DNAH17: variants seen among roughly 807,000 people sequenced by gnomAD.
DNAH17 encodes the protein dynein axonemal heavy chain 17.
A neutral mutation model predicts 485.6 loss-of-function variants in DNAH17; 376 were observed. The ratio of observed to expected loss-of-function variants is 0.77; its 90% CI spans 0.71 to 0.84. DNAH17 has a LOEUF of 0.84. Ranked by LOEUF, DNAH17 falls within the 40% of genes least tolerant of loss-of-function variation. The pLI is 0.00. For synonymous variants in DNAH17, 3,031 were observed against 2,405.9 expected (o/e 1.26, Z -7.60); for missense variants, 6,370 against 5,839.3 (o/e 1.09, Z -2.96).
chr17:78,555,543 C>CAA (rs765954549), intron 14 of DNAH17, among the ~76,000 whole-genome samples: 1,763 of 77,244 alleles, frequency 0.023, 140 homozygotes, highest in African/African-American at 0.072. Flanking sequence ...GATTCCGTCA[C>CAA]AAAAAAAAAA....
chr17:78,532,864 T>TG, intron 19 of DNAH17, 128 bp from the exon 20 acceptor site: 2 of 1,154,142 alleles, frequency 1.7e-6, no homozygotes, highest in East Asian at 5.2e-5. Flanking sequence ...CATGATGACC[T>TG]GCTCTTTTTC....
intron 17 of DNAH17, 94 bp from the exon 18 acceptor site, chr17:78,539,974 G>T: frequency 3.1e-6 from 4 of 1,294,178 alleles, no homozygotes; most frequent in Non-Finnish European, 1.0e-6. Flanking sequence ...GCCCGTCCAT[G>T]TTCACACGCC....
chr17:78,525,220 A>C (rs1598640864), intron 24 of DNAH17, 59 bp from the exon 25 acceptor site: 1 of 1,572,792 alleles, frequency 6.4e-7, no homozygotes. Flanking sequence ...GCCCCACCCC[A>C]CTCCCCGACG....
chr17:78,549,718 G>A (rs2091855576), intron 16 of DNAH17, among the ~76,000 whole-genome samples: 1 of 152,186 alleles, frequency 6.6e-6, no homozygotes, highest in African/African-American at 2.4e-5. Flanking sequence ...CGGGTGGTGG[G>A]CAGTGGTCAA....
At chr17:78,505,036 G>A (rs1370444950) in intron 31 of DNAH17, among the ~76,000 whole-genome samples, 1 of 151,496 alleles carries the variant, frequency 6.6e-6, no homozygotes, top group Non-Finnish European at 1.5e-5. Flanking sequence ...CTCCCGAACA[G>A]GGCTTTTCTC....
At chr17:78,440,692 CTG>C (rs1433917275) in intron 72 of DNAH17, among the ~76,000 whole-genome samples, 2 of 152,206 alleles carry the variant, frequency 1.3e-5, no homozygotes, top group Non-Finnish European at 2.9e-5. Context: ...GAATGAACGT[CTG>C]TGTAGAGTAC....
intron 16 of DNAH17, 113 bp downstream of exon 16, chr17:78,551,422 C>A: frequency 1.1e-6 from 1 of 904,296 alleles, no homozygotes; most frequent in South Asian, 1.6e-5. Context: ...CGGCAGCTCC[C>A]ACTGCACCCC....
intron 62 of DNAH17, among the ~76,000 whole-genome samples, chr17:78,456,402 T>G (rs2087804122): frequency 6.8e-6 from 1 of 147,670 alleles, no homozygotes. Context: ...GACACCCAAG[T>G]TGCCCACATT....
chr17:78,524,835 G>A (rs529006850), intron 25 of DNAH17, among the ~76,000 whole-genome samples, 174 bp downstream of exon 25: 31 of 152,290 alleles, frequency 2.0e-4, no homozygotes, highest in African/African-American at 7.0e-4. Context: ...TCCTGCTTTA[G>A]CGGAGGGACC....
chr17:78,486,540 G>T (rs544423228), intron 44 of DNAH17, 34 bp from the exon 45 acceptor site: 1 of 1,570,362 alleles, frequency 6.4e-7, no homozygotes, highest in Non-Finnish European at 8.6e-7. Flanking sequence ...TGACACAGCC[G>T]CTGCTCTGGG....
intron 16 of DNAH17, among the ~76,000 whole-genome samples, chr17:78,548,747 A>C (rs1490174724): frequency 6.6e-6 from 1 of 152,122 alleles, no homozygotes; most frequent in Non-Finnish European, 1.5e-5. Flanking sequence ...AGTTTGAGCC[A>C]TTTTCTTTTC....
intron 54 of DNAH17, among the ~76,000 whole-genome samples, chr17:78,475,027 G>T (rs960886950): frequency 2.9e-5 from 3 of 104,618 alleles, no homozygotes; most frequent in African/African-American, 9.9e-5. Context: ...TGGCTGGAAG[G>T]TTTCAGACCC....
chr17:78,513,521 C>CA (rs775643961), intron 26 of DNAH17, among the ~76,000 whole-genome samples: 28 of 152,230 alleles, frequency 1.8e-4, no homozygotes, highest in Non-Finnish European at 3.2e-4. Context: ...CTGCAACCTC[C>CA]ACCTCCCAGG....
intron 16 of DNAH17, among the ~76,000 whole-genome samples, chr17:78,544,634 C>G (rs559062066): frequency 5.5e-4 from 84 of 151,908 alleles, no homozygotes; most frequent in Non-Finnish European, 1.0e-3. Flanking sequence ...AACCCTGTCT[C>G]TACTAAAAAT....
chr17:78,446,051 G>A (rs1423305019), intron 69 of DNAH17, among the ~76,000 whole-genome samples: 1 of 151,648 alleles, frequency 6.6e-6, no homozygotes, highest in East Asian at 1.9e-4. Flanking sequence ...GTGCATGCCT[G>A]TAGTCCTAGC....
chr17:78,446,603 T>C (rs926592983), intron 69 of DNAH17, among the ~76,000 whole-genome samples: 1 of 151,488 alleles, frequency 6.6e-6, no homozygotes, highest in African/African-American at 2.4e-5. Context: ...CTGTTGTGAA[T>C]TGATTAGCTT....
intron 71 of DNAH17, 56 bp from the exon 72 acceptor site, chr17:78,441,255 G>T: frequency 6.3e-7 from 1 of 1,599,028 alleles, no homozygotes. Context: ...CCAGGGCGGG[G>T]CGCTCGGGGT....
Position 78,461,504 on chromosome 17 carries a change from AGCAGCCTTCCTGAAGGCACGCTGG to A in DNAH17, c.9339+16_9339+39del, listed in dbSNP as rs767742666. 4.6e-6 allele frequency: 7 copies of A among 1,513,272 alleles called. No individual in the cohort carries two copies. The highest frequency in any genetic ancestry group is 1.3e-5 in the South Asian group (1 of 78,042). 93.7% of individuals were successfully genotyped at this position (1,513,272 alleles called of 1,614,324 possible). A position where few individuals can be genotyped will look rare whatever the true frequency, so the allele number is the denominator to read the frequency against. On this transcript the variant is annotated intron_variant, in intron 58 of 80. Transcript: ENST00000389840. Reference sequence around the variant, plus strand: ...GAAGCCCAGGAGGCCTGGCCAGTGCAGCAGCCTTCCTGAAGGCACGCTGGGCTGCCTTCACCTACCTTATTGATG... The same window carrying A: ...GAAGCCCAGGAGGCCTGGCCAGTGCAGCTGCCTTCACCTACCTTATTGATG...
At chr17:78,428,763 G>A in intron 76 of DNAH17, 56 bp from the exon 77 acceptor site, 1 of 1,591,226 alleles carries the variant, frequency 6.3e-7, no homozygotes, top group Non-Finnish European at 8.6e-7. Flanking sequence ...TGAAACCCAT[G>A]TCCTGTTGGT....
Sources: allele counts gnomAD v4.1 joint callset (sites outside exome capture counted in the v4.1 genomes callset), GRCh38; gene constraint gnomAD v4.1.1; transcripts MANE v1.5; gene names NCBI Gene and HGNC (gene_info 2026-07-23, HGNC 2026-07-21).